Variants in ATXN10 observed in about 807,000 individuals in gnomAD.
ATXN10 encodes ataxin 10.
Under a neutral mutation model 52.9 loss-of-function variants are expected in ATXN10, and 28 were observed. That is an observed-to-expected ratio of 0.53 (90% CI 0.39 to 0.73). The LOEUF is 0.73. Among genes scored for constraint, ATXN10 ranks in the 30% least tolerant of loss-of-function variants. The pLI, the probability that ATXN10 is intolerant of heterozygous loss-of-function variation, is 0.00. For missense variants in ATXN10, 565 were observed against 577.0 expected, an observed-to-expected ratio of 0.98 and a Z score of 0.21; for synonymous variants, 226 against 221.5, an observed-to-expected ratio of 1.02 and a Z score of -0.18.
At chr22:45,830,436 G>C (rs1928950743) in intron 10 of ATXN10, among the ~76,000 whole-genome samples, 1 of 152,204 alleles carries the variant, frequency 6.6e-6, no homozygotes, top group Non-Finnish European at 1.5e-5. Flanking sequence ...CACAGAATGG[G>C]AGAATATATT....
At chr22:45,811,956 C>T (rs1454557069) in intron 10 of ATXN10, among the ~76,000 whole-genome samples, 1 of 152,210 alleles carries the variant, frequency 6.6e-6, no homozygotes, top group African/African-American at 2.4e-5. Context: ...CCTAGTCTAT[C>T]ACATTCTAAA....
At chr22:45,709,222 C>T (rs533944463) in intron 5 of ATXN10, among the ~76,000 whole-genome samples, 104 of 152,262 alleles carry the variant, frequency 6.8e-4, no homozygotes, top group African/African-American at 2.5e-3. Flanking sequence ...TGGCACTTAG[C>T]GCATTTAATT....
intron 5 of ATXN10, among the ~76,000 whole-genome samples, chr22:45,704,413 A>G (rs1923960026): frequency 6.6e-6 from 1 of 151,886 alleles, no homozygotes; most frequent in African/African-American, 2.4e-5. Context: ...CCAATCCATG[A>G]ATAGAGGATA....
chr22:45,796,883 G>A (rs1927760282), intron 9 of ATXN10, among the ~76,000 whole-genome samples: 1 of 152,234 alleles, frequency 6.6e-6, no homozygotes, highest in Non-Finnish European at 1.5e-5. Flanking sequence ...TACCTTAAGA[G>A]TGAAAGAATG....
Position 45,700,297 on chromosome 22 carries a change from T to A in ATXN10, c.407T>A (p.Leu136Gln). 1 of 1,613,268 alleles carries A rather than the reference T, an allele frequency of 6.2e-7. No individual in the cohort carries two copies. Among genetic ancestry groups the A allele is most frequent in the Non-Finnish European group, 8.5e-7 (1 of 1,179,222 alleles). Residue 136 changes from leucine to glutamine, a missense_variant, in exon 4 of 12, where the codon CTG becomes CAG. By Grantham distance (113) the Leu-to-Gln change is moderately radical. Transcript: ENST00000252934. ...ATATTCTTAGCTTTTCGCTGTGGCC[T>A]GCAGTTTTTAGGCAACATTGCCTCA... ...ESLLTAFRCGLQFLGNIASRN... is the reference protein window; with the variant it reads ...ESLLTAFRCGQQFLGNIASRN...
At position 45,823,034 on chromosome 22, in the gene ATXN10, A is replaced by G. The variant is rs576413490; in HGVS notation, c.1237+16012A>G. 3 of 337,026 alleles carry G rather than the reference A, an allele frequency of 8.9e-6. No homozygotes were observed. The highest frequency in any genetic ancestry group is 4.4e-5 in the African/African-American group (2 of 45,358). 20.9% of individuals were successfully genotyped at this position (337,026 alleles called of 1,614,324 possible). A position where few individuals can be genotyped will look rare whatever the true frequency, so the allele number is the denominator to read the frequency against. ...ATCCATCTTTGTTCTTACTTTCCTC[A>G]TGGTGTCTTATTATTTCATTGAGGT... On this transcript the variant is annotated intron_variant, in intron 10 of 11. Transcript: ENST00000252934. The surrounding 1 kb of genome is among the most constrained non-coding windows in gnomAD (Gnocchi z 4.9).
intron 7 of ATXN10, chr22:45,734,415 A>C (rs756500638): frequency 3.1e-5 from 8 of 261,866 alleles, no homozygotes; most frequent in Non-Finnish European, 5.7e-5. Flanking sequence ...ACAGTAAACT[A>C]TTGTTTACGT....
intron 9 of ATXN10, among the ~76,000 whole-genome samples, chr22:45,747,629 G>C (rs1194662548): frequency 6.6e-6 from 1 of 152,186 alleles, no homozygotes; most frequent in Non-Finnish European, 1.5e-5. Context: ...AACAGGCAGA[G>C]AGCTTATGAG....
Position 45,677,617 on chromosome 22 carries a change from A to G in ATXN10, c.116+5438A>G, listed in dbSNP as rs1922753663. 1 of 152,130 alleles carries G rather than the reference A, an allele frequency of 6.6e-6. No individual in the cohort carries two copies. Among genetic ancestry groups the G allele is most frequent in the Non-Finnish European group, 1.5e-5 (1 of 68,018 alleles). The allele number at this position is 152,130 out of a possible 1,614,324, so 9.4% of individuals were successfully genotyped here. On this transcript the variant is annotated intron_variant, in intron 1 of 11. Coordinates refer to ENST00000252934, the MANE Select transcript of ATXN10 (RefSeq NM_013236.4). This position sits in a 1 kb window ranked among gnomAD's most constrained non-coding sequence, Gnocchi z 4.1. ...GAATATATGAAGTACTCCTACCTACAACTCAATAAAAAAGACTCCTACAAC... is the reference window on the plus strand; with the variant it reads ...GAATATATGAAGTACTCCTACCTACGACTCAATAAAAAAGACTCCTACAAC...
At chr22:45,730,293 A>T (rs1454759854) in intron 7 of ATXN10, among the ~76,000 whole-genome samples, 9 of 149,326 alleles carry the variant, frequency 6.0e-5, no homozygotes, top group Non-Finnish European at 5.9e-5. Context: ...GCGGTGAGCC[A>T]TGATTGCCCC....
At position 45,806,990 on chromosome 22, in the gene ATXN10, T is replaced by A; in HGVS notation, c.1205T>A (p.Leu402Gln). The A allele has an allele frequency of 6.2e-7, 1 of 1,614,116 alleles. No individual in the cohort carries two copies. Among genetic ancestry groups the A allele is most frequent in the Non-Finnish European group, 8.5e-7 (1 of 1,179,952 alleles). Residue 402 changes from leucine to glutamine, a missense_variant, in exon 10 of 12, where the codon CTG becomes CAG. By Grantham distance (113) the Leu-to-Gln change is moderately radical. Coordinates refer to ENST00000252934, the MANE Select transcript of ATXN10 (RefSeq NM_013236.4). ...VNELDGIPLI[L>Q]DNCNISDSNP... The stretch of plus-strand genomic sequence containing the variant: ...GAGCTGGATGGTATCCCGTTGATCC[T>A]GGACAACTGCAACATCAGTGACAGT...
At chr22:45,752,841 C>T (rs1466813470) in intron 9 of ATXN10, among the ~76,000 whole-genome samples, 3 of 151,732 alleles carry the variant, frequency 2.0e-5, no homozygotes, top group East Asian at 3.9e-4. Flanking sequence ...TCAAGTGATT[C>T]TCCTGCGTCA....
intron 6 of ATXN10, among the ~76,000 whole-genome samples, chr22:45,723,960 A>T (rs995054135): frequency 6.6e-6 from 1 of 152,106 alleles, no homozygotes; most frequent in East Asian, 1.9e-4. Flanking sequence ...TCAAAAAAAA[A>T]AAAAATAAAA....
intron 1 of ATXN10, chr22:45,680,114 G>C (rs1487412446): frequency 6.6e-6 from 1 of 152,182 alleles, no homozygotes; most frequent in African/African-American, 2.4e-5. Flanking sequence ...GCTGGGCCCT[G>C]TGATGGCCAC....
chr22:45,807,207 T>C (rs1928129766), intron 10 of ATXN10, 185 bp downstream of exon 10: 1 of 685,762 alleles, frequency 1.5e-6, no homozygotes, highest in Non-Finnish European at 2.7e-6. Flanking sequence ...ACCTTTGTAG[T>C]ATGGTAAGCT....
intron 10 of ATXN10, among the ~76,000 whole-genome samples, chr22:45,838,133 A>G (rs1007218087): frequency 5.9e-5 from 9 of 152,274 alleles, no homozygotes; most frequent in Non-Finnish European, 1.0e-4. Flanking sequence ...TGGCACATCA[A>G]TCTGCTGGTT....
In ATXN10 at chr22:45,712,486, A is replaced by G. The variant is rs1381459278; in HGVS notation, c.648-5927A>G. 6.6e-6 allele frequency among the ~76,000 whole-genome samples: 1 copy of G among 152,226 alleles called. No individual in the cohort carries two copies. The highest frequency in any genetic ancestry group is 1.5e-5 in the Non-Finnish European group (1 of 68,030). On this transcript the variant is annotated intron_variant, in intron 5 of 11. Transcript: ENST00000252934. This position sits in a 1 kb window ranked among gnomAD's most constrained non-coding sequence, Gnocchi z 4.6. ...AATACCTTGATACTGAAGGGTAGAC[A>G]GCGTAGCCAGTGTCACACTGCCAGT...
chr22:45,793,962 C>T (rs377284901), intron 9 of ATXN10, among the ~76,000 whole-genome samples: 1 of 152,212 alleles, frequency 6.6e-6, no homozygotes, highest in South Asian at 2.1e-4. Context: ...AATAGCAGCT[C>T]AGAGACAGGT....
In ATXN10 at chr22:45,744,829, T is replaced by G. The variant is rs1001026708; in HGVS notation, c.1173+4291T>G. On this transcript the variant is annotated intron_variant, in intron 9 of 11. Transcript: ENST00000252934. This position sits in a 1 kb window ranked among gnomAD's most constrained non-coding sequence, Gnocchi z 4.9. Reference sequence around the variant, plus strand: ...TTTAAGAGAATCAAGGTACGTTGCCTCAGATTGAAAATCTGCACAGAAATG... The same window carrying G: ...TTTAAGAGAATCAAGGTACGTTGCCGCAGATTGAAAATCTGCACAGAAATG... 2 of 152,206 alleles carry G rather than the reference T, an allele frequency of 1.3e-5. No homozygotes were observed. Among genetic ancestry groups the G allele is most frequent in the Non-Finnish European group, 2.9e-5 (2 of 68,034 alleles). The allele number at this position is 152,206 out of a possible 1,614,324, so 9.4% of individuals were successfully genotyped here.
Sources: gnomAD v4.1 joint callset for allele counts (sites outside exome capture counted in the v4.1 genomes callset) on GRCh38, gnomAD v4.1.1 for gene constraint, Gnocchi (gnomAD v3.1) non-coding constraint, MANE v1.5 for transcripts, NCBI Gene and HGNC (gene_info 2026-07-23, HGNC 2026-07-21) for gene names.